Variants in ANK3 observed in about 807,000 individuals in gnomAD.
The protein encoded by ANK3 is ankyrin 3.
A neutral mutation model predicts 370.9 loss-of-function variants in ANK3; 57 were observed. That is an observed-to-expected ratio of 0.15 (90% CI 0.12 to 0.19). ANK3 has a LOEUF of 0.19. ANK3 is among the 10% of genes least tolerant of loss of function. The pLI, the probability that ANK3 is intolerant of heterozygous loss-of-function variation, is 1.00. For missense variants in ANK3, 4,439 were observed against 5,302.1 expected (o/e 0.84, Z 5.06); for synonymous variants, 1,929 against 1,946.3 (o/e 0.99, Z 0.23).
chr10:60,651,644 ATTAGCTGCCTGTCCTTGCTGTGGATTTCC>A (rs1449820942), intron 1 of ANK3, among the ~76,000 whole-genome samples: 1 of 152,162 alleles, frequency 6.6e-6, no homozygotes, highest in Non-Finnish European at 1.5e-5. Context: ...TCTGTTATTT[ATTAGCTGCCTGTCCTTGCTGTGGATTTCC>A]TAACTCCTCT....
chr10:60,318,359 C>T (rs1409957209), intron 1 of ANK3, among the ~76,000 whole-genome samples: 4 of 152,174 alleles, frequency 2.6e-5, no homozygotes, highest in Non-Finnish European at 5.9e-5. Context: ...TTAGACTATA[C>T]AACCAATAAT....
intron 23 of ANK3, among the ~76,000 whole-genome samples, chr10:60,143,783 G>A (rs2094680355): frequency 6.6e-6 from 1 of 152,218 alleles, no homozygotes; most frequent in East Asian, 1.9e-4. Flanking sequence ...GATTTTGAAT[G>A]AATGAGTTTG....
chr10:60,131,119 T>A (rs1485480115), intron 25 of ANK3, among the ~76,000 whole-genome samples: 1 of 152,196 alleles, frequency 6.6e-6, no homozygotes, highest in Non-Finnish European at 1.5e-5. Flanking sequence ...GTAGGTCCAA[T>A]AAGTAGCAGT....
intron 41 of ANK3, 68 bp downstream of exon 41, chr10:60,059,272 G>T: frequency 7.4e-7 from 1 of 1,350,994 alleles, no homozygotes; most frequent in Non-Finnish European, 1.1e-6. Flanking sequence ...CCACTAAAAA[G>T]CATGTATTTA....
In ANK3 at chr10:60,082,737, T is replaced by C; in HGVS notation, c.4201A>G (p.Ile1401Val). 6.2e-7 allele frequency: 1 copy of C among 1,610,808 alleles called. No individual in the cohort carries two copies. The highest frequency in any genetic ancestry group is 8.5e-7 in the Non-Finnish European group (1 of 1,179,284). Residue 1401 changes from isoleucine to valine, a missense_variant and splice_region_variant, in exon 34 of 44, where the codon ATT becomes GTT. Around this residue, in one of 13 missense-constraint regions of ANK3, gnomAD observed 702 missense variants for 941.5 expected, o/e 0.75. Transcript: ENST00000280772. ...KENRLPFSIK[I>V]RDTSQEPCGR... ...CAGGGCTCTTGGCTGGTGTCTCTAATCTAGAAGAATTTTGGTAGTTGATGG... is the reference window on the plus strand; with the variant it reads ...CAGGGCTCTTGGCTGGTGTCTCTAACCTAGAAGAATTTTGGTAGTTGATGG...
At chr10:60,593,477 T>G (rs1287680789) in intron 2 of ANK3, among the ~76,000 whole-genome samples, 1 of 152,196 alleles carries the variant, frequency 6.6e-6, no homozygotes, top group African/African-American at 2.4e-5. Flanking sequence ...AAGGCAGCTT[T>G]AGGACAAATA....
At chr10:60,374,417 C>A (rs2060501663) in intron 1 of ANK3, among the ~76,000 whole-genome samples, 1 of 152,070 alleles carries the variant, frequency 6.6e-6, no homozygotes, top group Non-Finnish European at 1.5e-5. Flanking sequence ...GAGGGTGAGG[C>A]AGGAGATGAG....
intron 1 of ANK3, among the ~76,000 whole-genome samples, chr10:60,384,050 T>A (rs909875195): frequency 1.3e-5 from 2 of 152,154 alleles, no homozygotes; most frequent in South Asian, 2.1e-4. Context: ...GGTCCACCAA[T>A]CACTAGCTAT....
chr10:60,141,576 T>TG lies in ANK3; in HGVS notation c.2615-2490_2615-2489insC, dbSNP rs1565274946. ...TTCAATTGCTGTTTTTTTTTTTTTT[T>TG]TTTTTTTTTTGCTTCCCTCCAGCCC... On this transcript the variant is annotated intron_variant, in intron 23 of 43. Transcript: ENST00000280772. Among the ~76,000 whole-genome samples, 423 of 147,328 alleles carry TG rather than the reference T, an allele frequency of 2.9e-3. 4 individuals carry two copies. The highest frequency in any genetic ancestry group is 8.0e-3 in the African/African-American group (311 of 38,710).
At chr10:60,672,841 C>T (rs539169110) in intron 1 of ANK3, among the ~76,000 whole-genome samples, 1 of 152,158 alleles carries the variant, frequency 6.6e-6, no homozygotes, top group Non-Finnish European at 1.5e-5. Flanking sequence ...AAAGCTGACT[C>T]TACTCGAGGC....
At chr10:60,168,621 T>C (rs1446133549) in intron 21 of ANK3, among the ~76,000 whole-genome samples, 1 of 152,142 alleles carries the variant, frequency 6.6e-6, no homozygotes, top group Non-Finnish European at 1.5e-5. Context: ...ATGTGTGCCA[T>C]GGTGGTTTAC....
intron 1 of ANK3, among the ~76,000 whole-genome samples, chr10:60,289,867 C>CA: frequency 6.6e-6 from 1 of 152,128 alleles, no homozygotes. Flanking sequence ...TAACGTCCAA[C>CA]AAAAAATTAG....
chr10:60,514,295 G>C (rs1364597988), intron 2 of ANK3, among the ~76,000 whole-genome samples: 1 of 152,052 alleles, frequency 6.6e-6, no homozygotes. Flanking sequence ...CTCTGTTCAA[G>C]GGGCAACTGA....
At chr10:60,599,282 C>G (rs1036296642) in intron 2 of ANK3, among the ~76,000 whole-genome samples, 2 of 152,020 alleles carry the variant, frequency 1.3e-5, no homozygotes, top group African/African-American at 4.8e-5. Flanking sequence ...TAAGAGCCCA[C>G]TAACTTGGTA....
intron 2 of ANK3, among the ~76,000 whole-genome samples, chr10:60,438,148 T>C (rs1177265459): frequency 6.6e-6 from 1 of 152,082 alleles, no homozygotes; most frequent in East Asian, 1.9e-4. Context: ...TAGCTAGTGG[T>C]TTTAGGAACA....
intron 1 of ANK3, among the ~76,000 whole-genome samples, chr10:60,317,104 A>G (rs1370229342): frequency 2.0e-5 from 3 of 151,806 alleles, no homozygotes; most frequent in Non-Finnish European, 2.9e-5. Flanking sequence ...AATTCCATCC[A>G]TATACATGCA....
chr10:60,298,112 CTTA>C (rs1293185668), intron 1 of ANK3, among the ~76,000 whole-genome samples: 1 of 152,104 alleles, frequency 6.6e-6, no homozygotes, highest in East Asian at 1.9e-4. Flanking sequence ...GTTGAATGAT[CTTA>C]TTATTAGCTA....
chr10:60,280,446 C>A (rs527808935), intron 1 of ANK3, among the ~76,000 whole-genome samples: 13 of 152,122 alleles, frequency 8.5e-5, no homozygotes, highest in Non-Finnish European at 1.6e-4. Flanking sequence ...TATGTAGGAG[C>A]AGCAGCAGAA....
intron 2 of ANK3, among the ~76,000 whole-genome samples, chr10:60,476,680 T>G: frequency 6.6e-6 from 1 of 152,264 alleles, no homozygotes; most frequent in African/African-American, 2.4e-5. Flanking sequence ...GGATATAAAT[T>G]GGATTTACAG....
Sources: gnomAD v4.1 joint callset for allele counts (sites outside exome capture counted in the v4.1 genomes callset) on GRCh38, gnomAD v4.1.1 for gene constraint, gnomAD v4.1.1 regional missense constraint, MANE v1.5 for transcripts, NCBI Gene and HGNC (gene_info 2026-07-23, HGNC 2026-07-21) for gene names.